USP45: variants seen among roughly 807,000 people sequenced by gnomAD.
USP45 encodes the protein ubiquitin carboxyl-terminal hydrolase 45.
Under a neutral mutation model 95.8 loss-of-function variants are expected in USP45, and 89 were observed. The observed-to-expected ratio is 0.93, with a 90% CI of 0.78 to 1.11. The LOEUF is 1.11. Among genes scored for constraint, USP45 ranks in the 50% least tolerant of loss-of-function variants. The pLI is 0.00. For synonymous variants in USP45, 281 were observed against 316.2 expected, an observed-to-expected ratio of 0.89 and a Z score of 1.18; for missense variants, 898 against 942.5, an observed-to-expected ratio of 0.95 and a Z score of 0.62.
chr6:99,506,440 C>T (rs981126621), intron 4 of USP45, among the ~76,000 whole-genome samples: 1 of 152,196 alleles, frequency 6.6e-6, no homozygotes, highest in African/African-American at 2.4e-5. Flanking sequence ...TCCTGAGCAG[C>T]TGGGACTACA....
chr6:99,471,442 T>A (rs897801249), intron 9 of USP45, among the ~76,000 whole-genome samples: 5 of 152,186 alleles, frequency 3.3e-5, no homozygotes, highest in African/African-American at 1.2e-4. Flanking sequence ...TTTAAAATAA[T>A]TCTAACCAAA....
At chr6:99,491,549 A>G (rs927086618) in intron 5 of USP45, among the ~76,000 whole-genome samples, 4 of 152,214 alleles carry the variant, frequency 2.6e-5, no homozygotes, top group African/African-American at 7.2e-5. Context: ...CTGATTTTAC[A>G]TTTATAAAAC....
At chr6:99,466,875 C>T in intron 10 of USP45, 112 bp from the exon 11 acceptor site, 1 of 699,566 alleles carries the variant, frequency 1.4e-6, no homozygotes, top group Non-Finnish European at 2.4e-6. Context: ...TTCTGTACTA[C>T]ATTTAATAAT....
At chr6:99,467,798 T>C (rs567430511) in intron 10 of USP45, among the ~76,000 whole-genome samples, 1 of 152,226 alleles carries the variant, frequency 6.6e-6, no homozygotes, top group African/African-American at 2.4e-5. Flanking sequence ...AAGTGCACAG[T>C]AACAATGTGT....
At chr6:99,488,428 A>C (rs1054938179) in intron 6 of USP45, 133 bp from the exon 7 acceptor site, 11 of 698,438 alleles carry the variant, frequency 1.6e-5, no homozygotes, top group Non-Finnish European at 2.3e-5. Context: ...AGTTGAGTAC[A>C]TTTTACATTT....
chr6:99,442,953 C>T (rs1781804550), intron 15 of USP45, among the ~76,000 whole-genome samples: 1 of 152,000 alleles, frequency 6.6e-6, no homozygotes, highest in African/African-American at 2.4e-5. Flanking sequence ...TGTGGTGGCT[C>T]ATGCCTGTAA....
At chr6:99,483,998 T>C (rs1793127726) in intron 7 of USP45, among the ~76,000 whole-genome samples, 1 of 128,020 alleles carries the variant, frequency 7.8e-6, no homozygotes. Flanking sequence ...GCTATAATTT[T>C]CCATAGTTTT....
chr6:99,457,053 G>A (rs1393852984), intron 13 of USP45, among the ~76,000 whole-genome samples: 3 of 152,192 alleles, frequency 2.0e-5, no homozygotes, highest in Non-Finnish European at 4.4e-5. Flanking sequence ...GTGCTCCCAG[G>A]CTCATTAGGA....
intron 5 of USP45, among the ~76,000 whole-genome samples, chr6:99,502,687 G>A (rs1797645715): frequency 6.6e-6 from 1 of 152,228 alleles, no homozygotes; most frequent in African/African-American, 2.4e-5. Flanking sequence ...CAATGTTGGA[G>A]GAGGGGCCTG....
At chr6:99,492,499 T>A (rs1795400379) in intron 5 of USP45, among the ~76,000 whole-genome samples, 1 of 151,920 alleles carries the variant, frequency 6.6e-6, no homozygotes, top group African/African-American at 2.4e-5. Context: ...AAATAGAATT[T>A]TTTTTTTTTT....
At chr6:99,487,830 A>G (rs1009330313) in intron 7 of USP45, among the ~76,000 whole-genome samples, 25 of 152,180 alleles carry the variant, frequency 1.6e-4, no homozygotes, top group Admixed American at 1.4e-3. Context: ...GCTCACTATT[A>G]AAATTTCATC....
At chr6:99,493,307 T>C (rs1239556861) in intron 5 of USP45, among the ~76,000 whole-genome samples, 1 of 151,530 alleles carries the variant, frequency 6.6e-6, no homozygotes. Context: ...ATTACAAACA[T>C]GAGCCACCAC....
chr6:99,468,433 C>T, intron 10 of USP45, 104 bp downstream of exon 10: 2 of 759,432 alleles, frequency 2.6e-6, no homozygotes, highest in Non-Finnish European at 4.3e-6. Context: ...TTTAAAGCCA[C>T]TACTTTGGTG....
chr6:99,480,585 A>ACCCAG (rs1304872576), intron 8 of USP45, among the ~76,000 whole-genome samples: 1 of 151,764 alleles, frequency 6.6e-6, no homozygotes, highest in Non-Finnish European at 1.5e-5. Flanking sequence ...AATTGCTTGA[A>ACCCAG]CCCAGGAGGT....
chr6:99,485,865 G>T (rs1245289390), intron 7 of USP45, among the ~76,000 whole-genome samples: 1 of 152,102 alleles, frequency 6.6e-6, no homozygotes, highest in Non-Finnish European at 1.5e-5. Context: ...CACATTAACA[G>T]AATAAAGAAG....
At chr6:99,447,622 G>C (rs1363601761) in intron 13 of USP45, among the ~76,000 whole-genome samples, 3 of 152,318 alleles carry the variant, frequency 2.0e-5, no homozygotes, top group Non-Finnish European at 4.4e-5. Context: ...TCTGGGGTCA[G>C]GGCACAGCCC....
At chr6:99,477,826 T>A (rs1048314864) in intron 8 of USP45, among the ~76,000 whole-genome samples, 6 of 152,296 alleles carry the variant, frequency 3.9e-5, no homozygotes, top group African/African-American at 1.4e-4. Context: ...CTACCTGCAC[T>A]TGGTGGACAG....
At chr6:99,437,429 G>T (rs1259866626) in intron 16 of USP45, 30 bp from the exon 17 acceptor site, 4 of 1,556,912 alleles carry the variant, frequency 2.6e-6, no homozygotes, top group African/African-American at 2.8e-5. Flanking sequence ...ACCCAAATTA[G>T]TAATATTTGT....
intron 11 of USP45, among the ~76,000 whole-genome samples, chr6:99,466,340 C>T (rs1787966200): frequency 6.6e-6 from 1 of 152,070 alleles, no homozygotes; most frequent in Non-Finnish European, 1.5e-5. Context: ...TTTTAGGGCA[C>T]TGCAACGTAG....
Sources: gnomAD v4.1 joint callset for allele counts (sites outside exome capture counted in the v4.1 genomes callset) on GRCh38, gnomAD v4.1.1 for gene constraint, MANE v1.5 for transcripts, NCBI Gene and HGNC (gene_info 2026-07-23, HGNC 2026-07-21) for gene names.